The following NAALADL2 variants were observed in gnomAD, a reference collection of about 807,000 sequenced individuals.
NAALADL2 encodes inactive N-acetylated-alpha-linked acidic dipeptidase-like protein 2.
NAALADL2 carries 76 observed loss-of-function variants against 87.2 expected under a neutral mutation model. That is an observed-to-expected ratio of 0.87 (90% CI 0.72 to 1.05). The LOEUF is 1.05. NAALADL2 is among the 50% of genes least tolerant of loss of function. The pLI is 0.00. For missense variants in NAALADL2, 1,089 were observed against 945.8 expected, an observed-to-expected ratio of 1.15 and a Z score of -1.99; for synonymous variants, 354 against 331.0, an observed-to-expected ratio of 1.07 and a Z score of -0.75.
At chr3:175,762,836 C>A (rs1424066606) in intron 13 of NAALADL2, among the ~76,000 whole-genome samples, 1 of 152,146 alleles carries the variant, frequency 6.6e-6, no homozygotes, top group African/African-American at 2.4e-5. Flanking sequence ...GTAATCCCAG[C>A]ACTTTGGGAA....
intron 2 of NAALADL2, among the ~76,000 whole-genome samples, chr3:174,704,119 A>G (rs1218355187): frequency 6.6e-6 from 1 of 152,176 alleles, no homozygotes; most frequent in African/African-American, 2.4e-5. Flanking sequence ...TCACTAATAC[A>G]TAGGGATTTT....
intron 5 of NAALADL2, among the ~76,000 whole-genome samples, chr3:175,380,314 T>A (rs549626948): frequency 4.4e-4 from 67 of 152,284 alleles, no homozygotes; most frequent in Non-Finnish European, 8.2e-4. Flanking sequence ...AATGTGCATT[T>A]TGAAAGAATG....
chr3:175,626,571 C>A (rs1049705638), intron 10 of NAALADL2, among the ~76,000 whole-genome samples: 1 of 151,826 alleles, frequency 6.6e-6, no homozygotes, highest in African/African-American at 2.4e-5. Flanking sequence ...CAGGTATCTC[C>A]GAAATGCCCC....
intron 6 of NAALADL2, among the ~76,000 whole-genome samples, chr3:175,456,976 T>C (rs1017753044): frequency 3.3e-5 from 5 of 152,078 alleles, no homozygotes; most frequent in African/African-American, 1.2e-4. Flanking sequence ...TATCTGATGT[T>C]ATCTCATGAG....
chr3:175,342,746 TC>T (rs1762698888), intron 5 of NAALADL2, among the ~76,000 whole-genome samples: 1 of 152,070 alleles, frequency 6.6e-6, no homozygotes, highest in Non-Finnish European at 1.5e-5. Flanking sequence ...CCTTCCAACT[TC>T]CTTTTATGTT....
chr3:175,262,700 T>C (rs995465453), intron 4 of NAALADL2, among the ~76,000 whole-genome samples: 2 of 151,870 alleles, frequency 1.3e-5, no homozygotes, highest in Non-Finnish European at 2.9e-5. Flanking sequence ...ACCTTTCCTA[T>C]TGAAGCTTTT....
intron 3 of NAALADL2, among the ~76,000 whole-genome samples, chr3:174,852,255 C>A (rs961877671): frequency 6.6e-6 from 1 of 152,010 alleles, no homozygotes; most frequent in East Asian, 1.9e-4. Flanking sequence ...TAAAGGCATC[C>A]GAATTGGAAA....
chr3:175,165,014 C>T (rs1022706023), intron 2 of NAALADL2, among the ~76,000 whole-genome samples: 7 of 152,146 alleles, frequency 4.6e-5, no homozygotes, highest in Non-Finnish European at 7.4e-5. Context: ...TACTGCACAC[C>T]GCTCTGGGCC....
chr3:175,695,999 G>T (rs556847406), intron 11 of NAALADL2, among the ~76,000 whole-genome samples: 1 of 152,092 alleles, frequency 6.6e-6, no homozygotes, highest in Non-Finnish European at 1.5e-5. Flanking sequence ...TGCTGCTTTT[G>T]TTATTCCTTG....
chr3:175,234,929 G>A (rs1278323260), intron 3 of NAALADL2: 1 of 152,084 alleles, frequency 6.6e-6, no homozygotes, highest in Non-Finnish European at 1.5e-5. Context: ...GTAAATCTAG[G>A]AGGACAGAGC....
chr3:175,171,962 T>C (rs936296484), intron 2 of NAALADL2, among the ~76,000 whole-genome samples: 1 of 152,150 alleles, frequency 6.6e-6, no homozygotes, highest in African/African-American at 2.4e-5. Context: ...GGTACAAACA[T>C]ACAGTTAGAA....
intron 1 of NAALADL2, among the ~76,000 whole-genome samples, chr3:174,473,662 C>CT (rs35430327): frequency 1.2e-4 from 18 of 151,810 alleles, no homozygotes; most frequent in Non-Finnish European, 1.5e-4. Flanking sequence ...GTTGGAAGGT[C>CT]TTTTTTTTCA....
At chr3:175,411,354 G>C (rs1408270000) in intron 5 of NAALADL2, among the ~76,000 whole-genome samples, 1 of 152,186 alleles carries the variant, frequency 6.6e-6, no homozygotes, top group African/African-American at 2.4e-5. Flanking sequence ...AATTCAGGAA[G>C]AGGGATTAAG....
chr3:174,696,203 CTCT>C (rs1340083107), intron 2 of NAALADL2, among the ~76,000 whole-genome samples: 9 of 151,928 alleles, frequency 5.9e-5, no homozygotes, highest in Non-Finnish European at 1.2e-4. Context: ...AAAATAATAT[CTCT>C]TCTTATTACT....
chr3:175,042,339 T>C (rs1489914750), intron 1 of NAALADL2, among the ~76,000 whole-genome samples: 1 of 152,200 alleles, frequency 6.6e-6, no homozygotes. Flanking sequence ...CTTTATCCAG[T>C]TGCTCATCAA....
At chr3:175,550,353 G>C (rs930695275) in intron 9 of NAALADL2, among the ~76,000 whole-genome samples, 2 of 152,050 alleles carry the variant, frequency 1.3e-5, no homozygotes, top group Non-Finnish European at 2.9e-5. Context: ...AGAGAAGAGA[G>C]AAAAATAAAA....
At chr3:175,296,226 A>C (rs549215442) in intron 4 of NAALADL2, among the ~76,000 whole-genome samples, 1 of 152,132 alleles carries the variant, frequency 6.6e-6, no homozygotes, top group Non-Finnish European at 1.5e-5. Context: ...GAGGTGCTAC[A>C]TGTGTTAAAG....
At chr3:174,527,100 G>A (rs1369653441) in intron 1 of NAALADL2, among the ~76,000 whole-genome samples, 2 of 152,194 alleles carry the variant, frequency 1.3e-5, no homozygotes, top group Non-Finnish European at 2.9e-5. Flanking sequence ...GGAGTGAAAA[G>A]TCATAATGTT....
At chr3:174,512,939 A>G (rs1719696339) in intron 1 of NAALADL2, among the ~76,000 whole-genome samples, 1 of 150,824 alleles carries the variant, frequency 6.6e-6, no homozygotes, top group Admixed American at 6.6e-5. Context: ...AAAGATGACC[A>G]GTGCCACCAA....
Sources: gnomAD v4.1 joint callset for allele counts (sites outside exome capture counted in the v4.1 genomes callset) on GRCh38, gnomAD v4.1.1 for gene constraint, MANE v1.5 for transcripts, NCBI Gene and HGNC (gene_info 2026-07-23, HGNC 2026-07-21) for gene names.